Variants in GAP43 observed in about 807,000 individuals in gnomAD.
GAP43 encodes neuromodulin.
Under a neutral mutation model 18.6 loss-of-function variants are expected in GAP43, and 6 were observed. The observed-to-expected ratio is 0.32, with a 90% CI of 0.18 to 0.64. The LOEUF is 0.64. Among genes scored for constraint, GAP43 ranks in the 30% least tolerant of loss-of-function variants. The probability of loss-of-function intolerance (pLI) is 0.78; values close to 1 mark genes in which losing one functional copy is unlikely to be tolerated. For synonymous variants in GAP43, 115 were observed against 111.4 expected, an observed-to-expected ratio of 1.03 and a Z score of -0.20; for missense variants, 292 against 295.5, an observed-to-expected ratio of 0.99 and a Z score of 0.09.
chr3:115,666,940 G>T (rs1326249990), intron 1 of GAP43, among the ~76,000 whole-genome samples: 1 of 152,040 alleles, frequency 6.6e-6, no homozygotes, highest in East Asian at 1.9e-4. Context: ...TATATATACT[G>T]TGCACTTATA....
chr3:115,706,694 T>C (rs979012656), intron 2 of GAP43, among the ~76,000 whole-genome samples: 11 of 152,210 alleles, frequency 7.2e-5, no homozygotes, highest in Non-Finnish European at 1.3e-4. Context: ...GTGATCATTT[T>C]TGGACTTTGG....
intron 1 of GAP43, among the ~76,000 whole-genome samples, chr3:115,632,896 C>T (rs928543932): frequency 6.6e-6 from 1 of 152,044 alleles, no homozygotes; most frequent in Non-Finnish European, 1.5e-5. Flanking sequence ...CTAGCTACAT[C>T]CCTTTCTCCC....
In GAP43 at chr3:115,644,615, T is replaced by A. The variant is rs1708436240; in HGVS notation, c.30+20896T>A. Among the ~76,000 whole-genome samples, 1 of 152,108 alleles carries A rather than the reference T, an allele frequency of 6.6e-6. No homozygotes were observed. Among genetic ancestry groups the A allele is most frequent in the Non-Finnish European group, 1.5e-5 (1 of 67,980 alleles). ...AAAAATCCTTTATGGTTACTGAGTA[T>A]GCTGTGAATCCACATAGTTGTGGTT... On this transcript the variant is annotated intron_variant, in intron 1 of 2. Transcript: ENST00000305124. This position sits in a 1 kb window ranked among gnomAD's most constrained non-coding sequence, Gnocchi z 4.2.
At chr3:115,698,145 A>AT in intron 2 of GAP43, among the ~76,000 whole-genome samples, 1 of 9,334 alleles carries the variant, frequency 1.1e-4, no homozygotes, top group Non-Finnish European at 2.3e-4. Flanking sequence ...TATATAATAT[A>AT]TATTATATAT....
At chr3:115,686,940 G>A (rs575901802) in intron 2 of GAP43, among the ~76,000 whole-genome samples, 7 of 152,256 alleles carry the variant, frequency 4.6e-5, no homozygotes, top group African/African-American at 1.4e-4. Context: ...CTTCACAGAG[G>A]TAGAATCAGA....
At chr3:115,658,146 A>T (rs867424397) in intron 1 of GAP43, among the ~76,000 whole-genome samples, 2 of 152,318 alleles carry the variant, frequency 1.3e-5, no homozygotes, top group Middle Eastern at 3.4e-3. Context: ...CCCAGACTCA[A>T]ACAAAACAAA....
intron 1 of GAP43, among the ~76,000 whole-genome samples, chr3:115,675,439 A>G (rs892001693): frequency 3.9e-5 from 6 of 152,184 alleles, no homozygotes; most frequent in African/African-American, 7.2e-5. Flanking sequence ...ATGGAGCAAC[A>G]TTGAGCCGGG....
At chr3:115,631,019 G>T (rs183745721) in intron 1 of GAP43, among the ~76,000 whole-genome samples, 182 of 152,274 alleles carry the variant, frequency 1.2e-3, no homozygotes, top group Middle Eastern at 3.4e-3. Context: ...CTTATTCAGC[G>T]TGGGCTTTGT....
At chr3:115,656,677 C>T (rs1043634966) in intron 1 of GAP43, among the ~76,000 whole-genome samples, 1 of 152,062 alleles carries the variant, frequency 6.6e-6, no homozygotes, top group Non-Finnish European at 1.5e-5. Context: ...GTGAAACAGC[C>T]CCTTAGAGAA....
chr3:115,623,819 C>A, intron 1 of GAP43, 100 bp downstream of exon 1: 2 of 1,219,990 alleles, frequency 1.6e-6, no homozygotes, highest in Non-Finnish European at 2.4e-6. Flanking sequence ...CTGCTCTGGC[C>A]GTGGTGCTCG....
At chr3:115,709,622 A>G (rs925137848) in intron 2 of GAP43, among the ~76,000 whole-genome samples, 7 of 152,182 alleles carry the variant, frequency 4.6e-5, no homozygotes, top group African/African-American at 1.7e-4. Context: ...ATTTCACTCT[A>G]AGGCCTATGT....
intron 2 of GAP43, among the ~76,000 whole-genome samples, chr3:115,711,512 C>T (rs1056316450): frequency 7.6e-6 from 1 of 132,390 alleles, no homozygotes; most frequent in Non-Finnish European, 1.8e-5. Context: ...CACACACACA[C>T]CCCCCTACAG....
chr3:115,689,377 T>C (rs1256452897), intron 2 of GAP43, among the ~76,000 whole-genome samples: 1 of 152,172 alleles, frequency 6.6e-6, no homozygotes, highest in African/African-American at 2.4e-5. Context: ...AGGCTCTCAA[T>C]AGACATCCTC....
chr3:115,626,776 C>T (rs1025515464), intron 1 of GAP43, among the ~76,000 whole-genome samples: 2 of 152,098 alleles, frequency 1.3e-5, no homozygotes, highest in Non-Finnish European at 2.9e-5. Context: ...CCCATCCATG[C>T]CAATATCTGC....
chr3:115,671,753 A>G (rs1210298698), intron 1 of GAP43, among the ~76,000 whole-genome samples: 1 of 152,206 alleles, frequency 6.6e-6, no homozygotes, highest in Non-Finnish European at 1.5e-5. Context: ...TTAAAAACTA[A>G]ATCTATCTTT....
chr3:115,650,627 A>C (rs892263130), intron 1 of GAP43, among the ~76,000 whole-genome samples: 1 of 151,678 alleles, frequency 6.6e-6, no homozygotes, highest in African/African-American at 2.4e-5. Flanking sequence ...ACTGAGCTCT[A>C]CTCTAGAGAC....
chr3:115,670,074 C>A (rs1340879813), intron 1 of GAP43, among the ~76,000 whole-genome samples: 42 of 120,894 alleles, frequency 3.5e-4, no homozygotes, highest in African/African-American at 1.6e-3. Context: ...TATACATGTG[C>A]CATGCTGGTG....
chr3:115,658,080 A>G (rs1708609779), intron 1 of GAP43, among the ~76,000 whole-genome samples: 1 of 152,226 alleles, frequency 6.6e-6, no homozygotes, highest in East Asian at 1.9e-4. Context: ...AAATAATCAT[A>G]TAAACCAAAC....
At chr3:115,625,298 G>A (rs976544466) in intron 1 of GAP43, among the ~76,000 whole-genome samples, 22 of 151,340 alleles carry the variant, frequency 1.5e-4, no homozygotes, top group Non-Finnish European at 3.1e-4. Flanking sequence ...TGAGTTGGGG[G>A]CGGTATTTGC....
Sources: allele counts gnomAD v4.1 joint callset (sites outside exome capture counted in the v4.1 genomes callset), GRCh38; gene constraint gnomAD v4.1.1; non-coding constraint Gnocchi (gnomAD v3.1); transcripts MANE v1.5; gene names NCBI Gene and HGNC (gene_info 2026-07-23, HGNC 2026-07-21).